Variants in ZNF445 observed in about 807,000 individuals in gnomAD.
The protein encoded by ZNF445 is zinc finger protein 168.
In ZNF445, 19 loss-of-function variants were observed where a neutral mutation model predicts 93.9. The ratio of observed to expected loss-of-function variants is 0.20; its 90% CI spans 0.14 to 0.30. ZNF445 has a LOEUF of 0.30. Among genes scored for constraint, ZNF445 ranks in the 10% least tolerant of loss-of-function variants. The pLI, the probability that ZNF445 is intolerant of heterozygous loss-of-function variation, is 1.00. For missense variants in ZNF445, 1,058 were observed against 1,259.4 expected, an observed-to-expected ratio of 0.84 and a Z score of 2.42; for synonymous variants, 449 against 446.3, an observed-to-expected ratio of 1.01 and a Z score of -0.08.
Position 44,436,014 on chromosome 3 carries a change from G to T in ZNF445, c.*10561C>A. 6.6e-6 allele frequency: 1 copy of T among 152,178 alleles called. No individual in the cohort carries two copies. The highest frequency in any genetic ancestry group is 1.9e-4 in the East Asian group (1 of 5,200). The allele number at this position is 152,178 out of a possible 1,614,324, so 9.4% of individuals were successfully genotyped here. On this transcript the variant is annotated 3_prime_UTR_variant, in exon 8 of 8. Coordinates refer to ENST00000396077, the MANE Select transcript of ZNF445 (RefSeq NM_181489.6). ...TTGGGGAGGCCTAGGAAGATAAAAA[G>T]TATAAATTATTGTCAGTGCAGCAGG...
intron 1 of ZNF445, among the ~76,000 whole-genome samples, chr3:44,468,907 TC>T (rs1028971796): frequency 6.6e-6 from 1 of 151,842 alleles, no homozygotes; most frequent in African/African-American, 2.4e-5. Flanking sequence ...GCAATTCCCA[TC>T]TTGAATCAGC....
rs1698018991 is a variant in ZNF445, at chr3:44,455,645, A to G, written c.-96T>C. ...CTTCTCAGCAGTCAACAATGCCAACATTTGCTGGGACATCAGAAGTCATCA... is the reference window on the plus strand; with the variant it reads ...CTTCTCAGCAGTCAACAATGCCAACGTTTGCTGGGACATCAGAAGTCATCA... On this transcript the variant is annotated 5_prime_UTR_variant, in exon 3 of 8. The change abolishes an upstream ATG in the 5' untranslated region. Coordinates refer to ENST00000396077, the MANE Select transcript of ZNF445 (RefSeq NM_181489.6). 4.2e-6 allele frequency: 5 copies of G among 1,183,072 alleles called. No homozygotes were observed. Among genetic ancestry groups the G allele is most frequent in the Non-Finnish European group, 5.8e-6 (5 of 857,148 alleles). The allele number at this position is 1,183,072 out of a possible 1,614,324, so 73.3% of individuals were successfully genotyped here. A position where few individuals can be genotyped will look rare whatever the true frequency, so the allele number is the denominator to read the frequency against.
chr3:44,461,099 C>T (rs1215583094), intron 1 of ZNF445, among the ~76,000 whole-genome samples: 1 of 152,178 alleles, frequency 6.6e-6, no homozygotes, highest in Non-Finnish European at 1.5e-5. Flanking sequence ...CTGTCTGTAG[C>T]CCCACTGCAG....
chr3:44,454,756 G>T (rs951683427), intron 3 of ZNF445: 3 of 282,188 alleles, frequency 1.1e-5, no homozygotes, highest in East Asian at 1.8e-4. Flanking sequence ...GAGACAGTGT[G>T]GGGGGGTCCT....
rs983555444 is a variant in ZNF445, at chr3:44,441,849, A to G, written c.*4726T>C. The G allele has an allele frequency of 6.6e-6, 1 of 152,210 alleles. No homozygotes were observed. Among genetic ancestry groups the G allele is most frequent in the Non-Finnish European group, 1.5e-5 (1 of 68,046 alleles). The allele number at this position is 152,210 out of a possible 1,614,324, so 9.4% of individuals were successfully genotyped here. A position where few individuals can be genotyped will look rare whatever the true frequency, so the allele number is the denominator to read the frequency against. On this transcript the variant is annotated 3_prime_UTR_variant, in exon 8 of 8. Transcript: ENST00000396077. ...GAAGGCAGAATGGTGACTTGCACAC[A>G]TCGTTCCAATACATGATTTTATACT... is the stretch of plus-strand genomic sequence containing the variant.
chr3:44,466,205 T>C (rs900012832), intron 1 of ZNF445, among the ~76,000 whole-genome samples: 1 of 152,188 alleles, frequency 6.6e-6, no homozygotes, highest in Non-Finnish European at 1.5e-5. Flanking sequence ...TTTGGAGTTA[T>C]CATTTTGGCC....
Position 44,474,156 on chromosome 3 carries a change from T to C in ZNF445, c.-269+3435A>G, listed in dbSNP as rs148944373. 3.5e-3 allele frequency among the ~76,000 whole-genome samples: 527 copies of C among 152,286 alleles called. 3 individuals are homozygous for C. Among genetic ancestry groups the C allele is most frequent in the African/African-American group, 0.012 (499 of 41,556 alleles). ...TTACTGATGACTAGGAGAAAGACAGTAAGGTTCCAGTGGTAAAACTTGACA... is the reference window on the plus strand; with the variant it reads ...TTACTGATGACTAGGAGAAAGACAGCAAGGTTCCAGTGGTAAAACTTGACA... On this transcript the variant is annotated intron_variant, in intron 1 of 7. Coordinates refer to ENST00000396077, the MANE Select transcript of ZNF445 (RefSeq NM_181489.6).
chr3:44,439,228 TG>T lies in ZNF445; in HGVS notation c.*7346del, dbSNP rs1214970601. The T allele has an allele frequency of 6.7e-6, 1 of 148,440 alleles. No homozygotes were observed. Among genetic ancestry groups the T allele is most frequent in the Non-Finnish European group, 1.5e-5 (1 of 67,750 alleles). The allele number at this position is 148,440 out of a possible 1,614,324, so 9.2% of individuals were successfully genotyped here. The stretch of plus-strand genomic sequence containing the variant: ...AGGAGGCTGAGGCTGGAGAATCGCT[TG>T]AGCCTGGGAAAGTGGAGGTTGCAGT... On this transcript the variant is annotated 3_prime_UTR_variant, in exon 8 of 8. Coordinates refer to ENST00000396077, the MANE Select transcript of ZNF445 (RefSeq NM_181489.6).
chr3:44,477,117 T>C (rs2125687905), intron 1 of ZNF445, among the ~76,000 whole-genome samples: 1 of 152,344 alleles, frequency 6.6e-6, no homozygotes, highest in East Asian at 1.9e-4. Context: ...TTTGGCACAA[T>C]ATTGTTTCCT....
rs995455944 is a variant in ZNF445 at position 44,438,454 on chromosome 3, G to C, written c.*8121C>G. The C allele has an allele frequency of 2.0e-5, 3 of 151,662 alleles. No individual in the cohort carries two copies. The highest frequency in any genetic ancestry group is 7.3e-5 in the African/African-American group (3 of 41,218). The allele number at this position is 151,662 out of a possible 1,614,324, so 9.4% of individuals were successfully genotyped here. On this transcript the variant is annotated 3_prime_UTR_variant, in exon 8 of 8. Transcript: ENST00000396077. ...TGGGACTACAGGCGCCCGCTGCCAC[G>C]CCCGGTTAATTTTTTGTATTTTTAC...
At chr3:44,465,267 G>A (rs1169691556) in intron 1 of ZNF445, among the ~76,000 whole-genome samples, 1 of 152,118 alleles carries the variant, frequency 6.6e-6, no homozygotes, top group Non-Finnish European at 1.5e-5. Flanking sequence ...ATGTAATTTT[G>A]TCTATTTCAG....
At chr3:44,468,084 C>G (rs1212324141) in intron 1 of ZNF445, among the ~76,000 whole-genome samples, 2 of 152,198 alleles carry the variant, frequency 1.3e-5, no homozygotes, top group African/African-American at 4.8e-5. Context: ...CCTGGCCAAG[C>G]CTGCGTGAGT....
intron 3 of ZNF445, chr3:44,454,778 C>A (rs1698004488): frequency 6.1e-6 from 2 of 330,032 alleles, no homozygotes; most frequent in Admixed American, 8.8e-5. Context: ...CTATGTTGTC[C>A]AGGCTGGCTT....
rs1575309113 is a variant in ZNF445, at chr3:44,450,280, C to T, written c.820+167G>A. On this transcript the variant is annotated intron_variant, in intron 6 of 7. Transcript: ENST00000396077. Reference sequence around the variant, plus strand: ...ATAATCCAGAATGGCAGGCATTATTCTCCCCATTTTTCAAAAGAGGCTACC... The same window carrying T: ...ATAATCCAGAATGGCAGGCATTATTTTCCCCATTTTTCAAAAGAGGCTACC... The T allele has an allele frequency of 1.2e-5, 9 of 766,164 alleles. No homozygotes were observed. The East Asian group carries it at 2.4e-4, about 20-fold the overall frequency. 47.5% of individuals were successfully genotyped at this position (766,164 alleles called of 1,614,324 possible). A position where few individuals can be genotyped will look rare whatever the true frequency, so the allele number is the denominator to read the frequency against.
intron 1 of ZNF445, among the ~76,000 whole-genome samples, chr3:44,466,466 T>C (rs1698196717): frequency 6.6e-6 from 1 of 152,210 alleles, no homozygotes; most frequent in Admixed American, 6.5e-5. Context: ...AATGTGTTAT[T>C]AGTATATGTT....
intron 1 of ZNF445, among the ~76,000 whole-genome samples, chr3:44,474,247 G>A (rs1698311574): frequency 6.6e-6 from 1 of 152,186 alleles, no homozygotes; most frequent in South Asian, 2.1e-4. Flanking sequence ...CGGCACGGTG[G>A]CTCATGCCTG....
intron 2 of ZNF445, among the ~76,000 whole-genome samples, chr3:44,456,114 G>C (rs745926492): frequency 7.9e-5 from 12 of 152,120 alleles, no homozygotes; most frequent in Non-Finnish European, 1.6e-4. Context: ...AATGGGATTA[G>C]AATAGCTAAA....
intron 1 of ZNF445, among the ~76,000 whole-genome samples, chr3:44,459,187 T>C (rs901143616): frequency 2.0e-5 from 3 of 152,158 alleles, no homozygotes; most frequent in Non-Finnish European, 4.4e-5. Flanking sequence ...CCCCTGTGTA[T>C]CTCTTCATCT....
In ZNF445 at chr3:44,437,498, TTTA is replaced by T. The variant is rs1697707098; in HGVS notation, c.*9074_*9076del. ...GTCCGCAGTGCAAAGCAAAAACAAG[TTTA>T]TTAAGAAAGTAAAGTGGTGAAAGGA... On this transcript the variant is annotated 3_prime_UTR_variant, in exon 8 of 8. Coordinates refer to ENST00000396077, the MANE Select transcript of ZNF445 (RefSeq NM_181489.6). The T allele has an allele frequency of 6.6e-6, 1 of 151,830 alleles. No homozygotes were observed. Among genetic ancestry groups the T allele is most frequent in the African/African-American group, 2.4e-5 (1 of 41,302 alleles). The allele number at this position is 151,830 out of a possible 1,614,324, so 9.4% of individuals were successfully genotyped here.
Sources: gnomAD v4.1 joint callset for allele counts (sites outside exome capture counted in the v4.1 genomes callset) on GRCh38, gnomAD v4.1.1 for gene constraint, MANE v1.5 for transcripts, NCBI Gene and HGNC (gene_info 2026-07-23, HGNC 2026-07-21) for gene names.